The following USH2A variants were observed in gnomAD, a reference collection of about 807,000 sequenced individuals.
USH2A encodes the protein usherin.
In USH2A, 443 loss-of-function variants were observed where a neutral mutation model predicts 538.9. The observed-to-expected ratio is 0.82, with a 90% CI of 0.76 to 0.89. The LOEUF (loss-of-function observed/expected upper bound fraction) is 0.89, where lower values mean the gene tolerates loss of function less well. USH2A is among the 40% of genes least tolerant of loss of function. The pLI, the probability that USH2A is intolerant of heterozygous loss-of-function variation, is 0.00. For missense variants in USH2A, 6,633 were observed against 6,324.8 expected (o/e 1.05, Z -1.65); for synonymous variants, 2,413 against 2,273.5 (o/e 1.06, Z -1.75).
At chr1:216,082,686 C>T (rs1404558105) in intron 26 of USH2A, among the ~76,000 whole-genome samples, 1 of 152,026 alleles carries the variant, frequency 6.6e-6, no homozygotes, top group East Asian at 1.9e-4. Flanking sequence ...GTTACAGTTG[C>T]CCATTGTATT....
intron 11 of USH2A, among the ~76,000 whole-genome samples, chr1:216,279,168 T>C (rs1571652868): frequency 1.3e-5 from 2 of 152,318 alleles, no homozygotes; most frequent in Admixed American, 1.3e-4. Context: ...AATCTGCTAT[T>C]CTCTCTTTTT....
intron 43 of USH2A, among the ~76,000 whole-genome samples, chr1:215,868,348 C>T (rs969119314): frequency 2.6e-5 from 4 of 152,076 alleles, no homozygotes; most frequent in Admixed American, 6.5e-5. Context: ...ATTCATAGCC[C>T]GAAGATACGT....
chr1:215,846,046 A>G lies in USH2A; in HGVS notation c.8846-13T>C. ...AGGTCTTGAACAGCTGTCAACAATA[A>G]ATGCAGGACATGGTGAATGTAGCTG... is the stretch of plus-strand genomic sequence containing the variant. On this transcript the variant is annotated splice_polypyrimidine_tract_variant and intron_variant, in intron 44 of 71. Coordinates refer to ENST00000307340, the MANE Select transcript of USH2A (RefSeq NM_206933.4). 1 of 1,612,884 alleles carries G rather than the reference A, an allele frequency of 6.2e-7. No homozygotes were observed. Among genetic ancestry groups the G allele is most frequent in the Non-Finnish European group, 8.5e-7 (1 of 1,179,264 alleles).
At chr1:216,303,437 T>A (rs1455429576) in intron 9 of USH2A, among the ~76,000 whole-genome samples, 1 of 151,946 alleles carries the variant, frequency 6.6e-6, no homozygotes, top group Non-Finnish European at 1.5e-5. Context: ...TACTAAGAAG[T>A]ATAAGGCGTT....
intron 21 of USH2A, among the ~76,000 whole-genome samples, chr1:216,164,226 T>A (rs185416370): frequency 6.6e-6 from 1 of 152,198 alleles, no homozygotes; most frequent in Admixed American, 6.6e-5. Flanking sequence ...TAAAGGTGGA[T>A]GTAGAAAGCA....
At chr1:215,630,294 G>A in intron 70 of USH2A, 1 of 456,218 alleles carries the variant, frequency 2.2e-6, no homozygotes, top group Non-Finnish European at 4.4e-6. Flanking sequence ...TCCATGTTTG[G>A]AACAGTTTTA....
intron 32 of USH2A, among the ~76,000 whole-genome samples, chr1:216,026,061 C>A (rs988800441): frequency 6.6e-6 from 1 of 152,042 alleles, no homozygotes; most frequent in Non-Finnish European, 1.5e-5. Context: ...CTTTCCTAAA[C>A]TCTACTGGAT....
chr1:216,214,777 A>G (rs1385281831), intron 15 of USH2A, among the ~76,000 whole-genome samples: 2 of 152,190 alleles, frequency 1.3e-5, no homozygotes, highest in African/African-American at 4.8e-5. Context: ...AAAAATGTGG[A>G]TATAAAGATG....
intron 58 of USH2A, among the ~76,000 whole-genome samples, chr1:215,752,109 G>A (rs115987548): frequency 6.6e-6 from 1 of 152,082 alleles, no homozygotes; most frequent in South Asian, 2.1e-4. Context: ...CTCTTTGTGT[G>A]TATGTCTCTG....
In USH2A at chr1:216,166,693, C is replaced by T. The variant is rs149498821; in HGVS notation, c.4627+8559G>A. 2.0e-3 allele frequency among the ~76,000 whole-genome samples: 300 copies of T among 152,090 alleles called. 4 individuals carry two copies. Among genetic ancestry groups the T allele is most frequent in the African/African-American group, 6.8e-3 (284 of 41,492 alleles). Reference sequence around the variant, plus strand: ...AATTCAAGGAGAGTTCCAAGGTTTCCGCCTAAGGCAATAGTGATATTCACT... The same window carrying T: ...AATTCAAGGAGAGTTCCAAGGTTTCTGCCTAAGGCAATAGTGATATTCACT... On this transcript the variant is annotated intron_variant, in intron 21 of 71. Transcript: ENST00000307340.
Position 216,325,231 on chromosome 1 carries a change from T to C in USH2A, c.1143+74A>G, listed in dbSNP as rs374723602. On this transcript the variant is annotated intron_variant, in intron 6 of 71. Coordinates refer to ENST00000307340, the MANE Select transcript of USH2A (RefSeq NM_206933.4). ...GTTAGGGAATATATTTCTGTTGTTTTAAGACATGAAGTTTGTGGGCATTTG... is the reference window on the plus strand; with the variant it reads ...GTTAGGGAATATATTTCTGTTGTTTCAAGACATGAAGTTTGTGGGCATTTG... The C allele has an allele frequency of 4.4e-5, 67 of 1,507,866 alleles. 1 individual carries two copies. Among genetic ancestry groups the C allele is most frequent in the Admixed American group, 1.5e-4 (9 of 59,406 alleles). The allele number at this position is 1,507,866 out of a possible 1,614,324, so 93.4% of individuals were successfully genotyped here.
chr1:216,245,232 T>C (rs1462113016), intron 13 of USH2A, among the ~76,000 whole-genome samples: 1 of 152,110 alleles, frequency 6.6e-6, no homozygotes, highest in Non-Finnish European at 1.5e-5. Flanking sequence ...CCTGATGAAA[T>C]GGTCCCTAAA....
At chr1:216,207,549 C>T (rs1396758784) in intron 15 of USH2A, 118 bp from the exon 16 acceptor site, 17 of 1,263,810 alleles carry the variant, frequency 1.3e-5, no homozygotes, top group Non-Finnish European at 1.8e-5. Flanking sequence ...ATCAAGAAGA[C>T]ATGTGGTTTA....
rs761555112 is a variant in USH2A, at chr1:215,639,143, T to C, written c.15052+12A>G. On this transcript the variant is annotated intron_variant, in intron 69 of 71. Transcript: ENST00000307340. ...AATAGGTGCTACGCCAAGTATAATA[T>C]GAGTTGTTTACCAAGTCCAGTAGAG... 6 of 1,613,674 alleles carry C rather than the reference T, an allele frequency of 3.7e-6. No individual in the cohort carries two copies. In the East Asian group the frequency reaches 8.9e-5, roughly 24 times the overall value.
chr1:216,208,786 G>A (rs1195922854), intron 15 of USH2A, among the ~76,000 whole-genome samples: 2 of 152,270 alleles, frequency 1.3e-5, no homozygotes, highest in South Asian at 2.1e-4. Context: ...GGGAAACCAA[G>A]CACAAGCTTC....
chr1:215,670,617 G>A (rs957650775), intron 64 of USH2A, among the ~76,000 whole-genome samples: 5 of 152,052 alleles, frequency 3.3e-5, no homozygotes, highest in South Asian at 2.1e-4. Flanking sequence ...ATTTTGGTAC[G>A]AGTAATGAGT....
intron 37 of USH2A, among the ~76,000 whole-genome samples, chr1:215,949,693 GA>G (rs990283595): frequency 6.6e-6 from 1 of 151,802 alleles, no homozygotes; most frequent in Non-Finnish European, 1.5e-5. Flanking sequence ...TGTAGACGGA[GA>G]AAATATTTTT....
chr1:216,200,546 T>C (rs968190614), intron 16 of USH2A, among the ~76,000 whole-genome samples: 1 of 152,196 alleles, frequency 6.6e-6, no homozygotes, highest in Non-Finnish European at 1.5e-5. Context: ...GGCCAACATC[T>C]TGAATGGAAA....
Position 216,078,186 on chromosome 1 carries a change from C to A in USH2A, c.5475G>T (p.Glu1825Asp). The A allele has an allele frequency of 6.2e-7, 1 of 1,613,798 alleles. No individual in the cohort carries two copies. Among genetic ancestry groups the A allele is most frequent in the African/African-American group, 1.3e-5 (1 of 75,026 alleles). Residue 1825 changes from glutamate to aspartate, a missense_variant, in exon 27 of 72, where the codon GAG becomes GAT. Transcript: ENST00000307340. ...TCACCACCAGTGGCTGGTCTCCGGA[C>A]TCCGATGCATGCTTCATCAGTCCAT... ...SVNGLMKHAS[E>D]SGDQPLVVNS...
Sources: gnomAD v4.1 joint callset for allele counts (sites outside exome capture counted in the v4.1 genomes callset) on GRCh38, gnomAD v4.1.1 for gene constraint, MANE v1.5 for transcripts, NCBI Gene and HGNC (gene_info 2026-07-23, HGNC 2026-07-21) for gene names.